The following PKD1L1 variants were observed in gnomAD, a reference collection of about 807,000 sequenced individuals.
The protein encoded by PKD1L1 is polycystin-1-like protein 1.
A neutral mutation model predicts 323.4 loss-of-function variants in PKD1L1; 236 were observed. The ratio of observed to expected loss-of-function variants is 0.73; its 90% CI spans 0.66 to 0.81. The LOEUF (loss-of-function observed/expected upper bound fraction) is 0.81. Ranked by LOEUF, PKD1L1 falls within the 40% of genes least tolerant of loss-of-function variation. The pLI is 0.00. For missense variants in PKD1L1, 3,320 were observed against 3,508.0 expected (o/e 0.95, Z 1.35); for synonymous variants, 1,344 against 1,335.0 (o/e 1.01, Z -0.15).
At chr7:47,950,510 G>A (rs1049355881), upstream of PKD1L1, among the ~76,000 whole-genome samples, 1 of 152,084 alleles carries the variant, frequency 6.6e-6, no homozygotes, top group Non-Finnish European at 1.5e-5. Flanking sequence ...CAATTAAATA[G>A]AATTAAGAAT....
intron 27 of PKD1L1, among the ~76,000 whole-genome samples, chr7:47,858,440 C>CA (rs946632184): frequency 1.3e-5 from 2 of 151,466 alleles, no homozygotes; most frequent in African/African-American, 4.8e-5. Flanking sequence ...TCTACCAAAA[C>CA]AAAAAAAGGA....
chr7:47,886,140 C>T, intron 17 of PKD1L1, 86 bp from the exon 18 acceptor site: 2 of 1,471,190 alleles, frequency 1.4e-6, no homozygotes, highest in South Asian at 1.4e-5. Flanking sequence ...TGTAAGGATG[C>T]TATATTATAA....
intron 14 of PKD1L1, 118 bp downstream of exon 14, chr7:47,897,870 C>A: frequency 1.6e-5 from 12 of 752,550 alleles, no homozygotes; most frequent in South Asian, 5.5e-5. Context: ...TTTTTTTAAA[C>A]AACCTCCCTT....
intron 22 of PKD1L1, among the ~76,000 whole-genome samples, chr7:47,876,835 A>C (rs1225393531): frequency 1.3e-5 from 2 of 151,972 alleles, no homozygotes; most frequent in Non-Finnish European, 2.9e-5. Context: ...GCTGCTGTGC[A>C]ATGGCGCGAT....
Position 47,936,928 on chromosome 7 carries a change from A to C in PKD1L1, c.316T>G (p.Leu106Val). The stretch of plus-strand genomic sequence containing the variant: ...TGTGTTTTTTCATTAACAACACTTA[A>C]CGCTGCTTCACTAGTTGTTTTCCAA... ...NIWKTTSEAA[L>V]SVVNEKTQAV... The change falls in exon 4 of 57, where the codon TTA becomes GTA. Residue 106 changes from leucine (L) to valine (V), a missense_variant. Coordinates refer to ENST00000289672, the MANE Select transcript of PKD1L1 (RefSeq NM_138295.5). The C allele has an allele frequency of 6.2e-7, 1 of 1,612,782 alleles. No individual in the cohort carries two copies. The highest frequency in any genetic ancestry group is 2.2e-5 in the East Asian group (1 of 44,888).
chr7:47,845,089 A>G lies in PKD1L1; in HGVS notation c.5154-11T>C. On this transcript the variant is annotated splice_polypyrimidine_tract_variant and intron_variant, in intron 32 of 56. Coordinates refer to ENST00000289672, the MANE Select transcript of PKD1L1 (RefSeq NM_138295.5). ...GCGAGGCGATGGTAGCTAGGAGGGA[A>G]ATGCGGATGAGGATACAGAATGTGT... is the stretch of plus-strand genomic sequence containing the variant. 1 of 1,610,464 alleles carries G rather than the reference A, an allele frequency of 6.2e-7. No homozygotes were observed. The highest frequency in any genetic ancestry group is 8.5e-7 in the Non-Finnish European group (1 of 1,177,434).
At chr7:47,954,220 C>T in the PKD1L1 span, among the ~76,000 whole-genome samples, 15,028 of 152,144 alleles carry the variant, frequency 0.099, 880 homozygotes, top group South Asian at 0.2. Context: ...TGTGTGCTGC[C>T]GTGAACTGGC....
chr7:47,936,975 T>C lies in PKD1L1; in HGVS notation c.286-17A>G, dbSNP rs1423061397. ...CCAAATGTTCTGTAAGAAAAAATAA[T>C]AAAATAATGTGAGAGAGCTGCTTAT... On this transcript the variant is annotated splice_polypyrimidine_tract_variant and intron_variant, in intron 3 of 56. Transcript: ENST00000289672. 3 of 1,567,586 alleles carry C rather than the reference T, an allele frequency of 1.9e-6. No individual in the cohort carries two copies. In the African/African-American group the frequency reaches 4.1e-5, roughly 21 times the overall value.
intron 15 of PKD1L1, among the ~76,000 whole-genome samples, chr7:47,893,109 A>G (rs1251026729): frequency 6.6e-6 from 1 of 151,584 alleles, no homozygotes; most frequent in African/African-American, 2.4e-5. Flanking sequence ...GCGCATCTGT[A>G]GTCTCAGCTA....
upstream of PKD1L1, among the ~76,000 whole-genome samples, chr7:47,949,560 C>T (rs541470715): frequency 3.7e-4 from 56 of 152,050 alleles, 1 homozygote; most frequent in South Asian, 8.5e-3. Flanking sequence ...TTGCAACTGG[C>T]GGGTCAGACT....
At chr7:47,849,665 A>C (rs1785738191) in intron 31 of PKD1L1, among the ~76,000 whole-genome samples, 1 of 151,098 alleles carries the variant, frequency 6.6e-6, no homozygotes, top group Non-Finnish European at 1.5e-5. Flanking sequence ...AATGGCCATA[A>C]TTTTTAAAAG....
At chr7:47,832,327 C>T (rs1218175596) in intron 41 of PKD1L1, among the ~76,000 whole-genome samples, 1 of 152,204 alleles carries the variant, frequency 6.6e-6, no homozygotes. Context: ...GTCGTCGGTC[C>T]TTGGGATGAG....
In PKD1L1 at chr7:47,787,260, A is replaced by G. The variant is rs552223617; in HGVS notation, c.8526+5367T>C. On this transcript the variant is annotated intron_variant, in intron 56 of 56. Transcript: ENST00000289672. ...AGAAACTTGAGTTCTGCAGGCAGAA[A>G]CCCACCTGGGAGCCAGGTGAGAGAG... Among the ~76,000 whole-genome samples, 698 of 152,250 alleles carry G rather than the reference A, an allele frequency of 4.6e-3. 3 individuals carry two copies. The highest frequency in any genetic ancestry group is 0.016 in the African/African-American group (675 of 41,544).
intron 15 of PKD1L1, among the ~76,000 whole-genome samples, chr7:47,893,572 G>A (rs888904021): frequency 6.6e-6 from 1 of 152,132 alleles, no homozygotes; most frequent in Admixed American, 6.5e-5. Context: ...TGAGCAACCC[G>A]TGGAAACCAA....
intron 4 of PKD1L1, among the ~76,000 whole-genome samples, chr7:47,935,226 T>C (rs1787845811): frequency 6.6e-6 from 1 of 152,188 alleles, no homozygotes; most frequent in Admixed American, 6.5e-5. Context: ...ACCCTAGCAT[T>C]GGAGAAAATT....
intron 45 of PKD1L1, 110 bp downstream of exon 45, chr7:47,827,240 C>T: frequency 1.0e-6 from 1 of 996,720 alleles, no homozygotes; most frequent in Non-Finnish European, 1.4e-6. Context: ...ACCTCCACTC[C>T]CCACTCCTCC....
At chr7:47,807,552 C>A (rs889630224) in intron 52 of PKD1L1, among the ~76,000 whole-genome samples, 1 of 152,096 alleles carries the variant, frequency 6.6e-6, no homozygotes, top group South Asian at 2.1e-4. Flanking sequence ...TAGGGAGGGG[C>A]TAGATCTGAG....
intron 7 of PKD1L1, among the ~76,000 whole-genome samples, chr7:47,928,811 TG>T (rs781212586): frequency 0.042 from 6,191 of 147,036 alleles, 244 homozygotes; most frequent in African/African-American, 0.11. Flanking sequence ...ACATTGTGTG[TG>T]TGCATATGTG....
rs1785534316 is a variant in PKD1L1, at chr7:47,839,940, TG to T, written c.5553-279del. ...CAAATCTCGTTCATGTATTTGTCTC[TG>T]GTGTGGATTAGTCTAAAGTTAACCT... is the stretch of plus-strand genomic sequence containing the variant. On this transcript the variant is annotated intron_variant, in intron 35 of 56. Coordinates refer to ENST00000289672, the MANE Select transcript of PKD1L1 (RefSeq NM_138295.5). The surrounding 1 kb of genome is among the most constrained non-coding windows in gnomAD (Gnocchi z 4.3). Among the ~76,000 whole-genome samples the T allele has an allele frequency of 6.6e-6, 1 of 152,246 alleles. No individual in the cohort carries two copies. The highest frequency in any genetic ancestry group is 2.4e-5 in the African/African-American group (1 of 41,472).
Sources: allele counts gnomAD v4.1 joint callset (sites outside exome capture counted in the v4.1 genomes callset), GRCh38; gene constraint gnomAD v4.1.1; non-coding constraint Gnocchi (gnomAD v3.1); transcripts MANE v1.5; gene names NCBI Gene and HGNC (gene_info 2026-07-23, HGNC 2026-07-21).